CILP: variants seen among roughly 807,000 people sequenced by gnomAD.
CILP encodes the protein cartilage intermediate layer protein 1.
CILP carries 75 observed loss-of-function variants against 82.5 expected under a neutral mutation model. That is an observed-to-expected ratio of 0.91 (90% CI 0.75 to 1.10). CILP has a LOEUF of 1.10. CILP is among the 50% of genes least tolerant of loss of function. The probability of loss-of-function intolerance (pLI) is 0.00; values close to 1 mark genes in which losing one functional copy is unlikely to be tolerated. For missense variants in CILP, 1,479 were observed against 1,530.8 expected (o/e 0.97, Z 0.56); for synonymous variants, 530 against 580.3 (o/e 0.91, Z 1.25).
chr15:65,199,545 G>A (rs1348359964), intron 8 of CILP, among the ~76,000 whole-genome samples: 1 of 152,200 alleles, frequency 6.6e-6, no homozygotes, highest in Non-Finnish European at 1.5e-5. Context: ...AGCTTTGGCC[G>A]GATGCAGTGG....
At chr15:65,204,800 C>G (rs141921348) in intron 5 of CILP, among the ~76,000 whole-genome samples, 1 of 152,172 alleles carries the variant, frequency 6.6e-6, no homozygotes, top group South Asian at 2.1e-4. Flanking sequence ...GGGTGTATCA[C>G]CTGAGGTCAG....
Position 65,202,729 on chromosome 15 carries a change from C to T in CILP, c.1028+633G>A, listed in dbSNP as rs1202171567. ...AGGCATGAGACACCATGCCTGGCCC[C>T]TTGTTTGCTTTTATTGGGAAAAGCA... On this transcript the variant is annotated intron_variant, in intron 7 of 8. Transcript: ENST00000261883. 2.6e-5 allele frequency among the ~76,000 whole-genome samples: 4 copies of T among 151,810 alleles called. No homozygotes were observed. The East Asian group carries it at 5.8e-4, about 22-fold the overall frequency.
rs756993754 is a variant in CILP at position 65,203,465 on chromosome 15, G to A, written c.925C>T (p.Pro309Ser). The A allele has an allele frequency of 8.1e-6, 13 of 1,611,736 alleles. No homozygotes were observed. The highest frequency in any genetic ancestry group is 4.2e-4 in the Middle Eastern group (2 of 4,766). ...GTCTCAGGGTTCATCACCATGTATG[G>A]AGTCTCTGGGACAGAAAATGAGAAA... Reference protein sequence around the residue: ...IKAEFVRAETPYMVMNPETKA... With the variant: ...IKAEFVRAETSYMVMNPETKA... The change falls in exon 7 of 9, where the codon CCA becomes TCA. Residue 309 changes from proline (P) to serine (S), a missense_variant. Coordinates refer to ENST00000261883, the MANE Select transcript of CILP (RefSeq NM_003613.4).
intron 6 of CILP, among the ~76,000 whole-genome samples, chr15:65,203,820 T>G (rs2088487145): frequency 6.6e-6 from 1 of 152,256 alleles, no homozygotes; most frequent in African/African-American, 2.4e-5. Flanking sequence ...CAGAATTTTC[T>G]GGCCATCCTG....
rs141854917 is a variant in CILP at position 65,197,056 on chromosome 15, T to C, written c.3230A>G (p.Tyr1077Cys). Residue 1077 changes from tyrosine to cysteine, a missense_variant, in exon 9 of 9, where the codon TAC becomes TGC. Transcript: ENST00000261883. Reference sequence around the variant, plus strand: ...GCGAGGGTCCTGGTCAGTGACAGTGTAGATGCCATAGTTGTGGCCCAGTGG... The same window carrying C: ...GCGAGGGTCCTGGTCAGTGACAGTGCAGATGCCATAGTTGTGGCCCAGTGG... ...LDPLGHNYGI[Y>C]TVTDQDPRTA... is the part of the protein sequence containing the mutation. 4 of 1,614,034 alleles carry C rather than the reference T, an allele frequency of 2.5e-6. No individual in the cohort carries two copies. In the African/African-American group the frequency reaches 5.3e-5, roughly 22 times the overall value.
rs144076381 is a variant in CILP, at chr15:65,197,185, C to T, written c.3101G>A (p.Arg1034His). 1.5e-4 allele frequency: 239 copies of T among 1,613,868 alleles called. No homozygotes were observed. Among genetic ancestry groups the T allele is most frequent in the Non-Finnish European group, 1.9e-4 (219 of 1,180,004 alleles). ...CAGCATGGGGTTCACACTGGCTCGA[C>T]GGCAGCTGCCCTGGGGGATGACCTT... ...LVKVIPQGSC[R>H]RASVNPMLHE... Residue 1034 changes from arginine to histidine, a missense_variant, in exon 9 of 9, where the codon CGT (arginine) becomes CAT (histidine). Arg to His is a conservative substitution (Grantham distance 29). Coordinates refer to ENST00000261883, the MANE Select transcript of CILP (RefSeq NM_003613.4).
At chr15:65,203,312 C>T in intron 7 of CILP, 50 bp downstream of exon 7, 2 of 1,272,314 alleles carry the variant, frequency 1.6e-6, no homozygotes, top group East Asian at 2.3e-5. Flanking sequence ...ATGCAAGAAG[C>T]TCTGGTTTCC....
At position 65,198,754 on chromosome 15, in the gene CILP, T is replaced by G; in HGVS notation, c.1532A>C (p.Tyr511Ser). 6.2e-7 allele frequency: 1 copy of G among 1,614,226 alleles called. No homozygotes were observed. The highest frequency in any genetic ancestry group is 8.5e-7 in the Non-Finnish European group (1 of 1,180,038). The change falls in exon 9 of 9, where the codon TAC (tyrosine) becomes TCC (serine). Residue 511 changes from tyrosine (Y) to serine (S), a missense_variant. Coordinates refer to ENST00000261883, the MANE Select transcript of CILP (RefSeq NM_003613.4). ...CATGCTTACACGGCTGTTCCCCATG[T>G]ACACATGGCCAAAGCGCATGGGCTC... ...NGEPMRFGHV[Y>S]MGNSRVSMTG...
chr15:65,197,694 A>G lies in CILP; in HGVS notation c.2592T>C (p.His864=), dbSNP rs1362683252. 3.1e-6 allele frequency: 5 copies of G among 1,613,684 alleles called. No individual in the cohort carries two copies. Among genetic ancestry groups the G allele is most frequent in the Non-Finnish European group, 2.5e-6 (3 of 1,180,040 alleles). ...LNKLNYRRTD[H]EDPRVKKTAF... is the part of the protein sequence containing the mutation. ...CTGTCTTTTTAACCCGTGGATCCTC[A>G]TGGTCCGTCCGACGGTAGTTGAGCT... The change falls in exon 9 of 9, where the codon CAT becomes CAC. Residue 864 remains histidine, a synonymous_variant. Coordinates refer to ENST00000261883, the MANE Select transcript of CILP (RefSeq NM_003613.4).
intron 7 of CILP, among the ~76,000 whole-genome samples, chr15:65,202,483 A>C (rs2088469513): frequency 6.6e-6 from 1 of 151,712 alleles, no homozygotes; most frequent in Admixed American, 6.6e-5. Context: ...GCTAGAGTAC[A>C]GTGGCATGAT....
At position 65,197,230 on chromosome 15, in the gene CILP, C is replaced by T. The variant is rs754282225; in HGVS notation, c.3056G>A (p.Arg1019His). ...GACCTTCACCAGGGTGCGGTCCACACGGTCCTGATCATAGAGCATCCCACT... is the reference window on the plus strand; with the variant it reads ...GACCTTCACCAGGGTGCGGTCCACATGGTCCTGATCATAGAGCATCCCACT... ...KCSGMLYDQDRVDRTLVKVIP... is the reference protein window; with the variant it reads ...KCSGMLYDQDHVDRTLVKVIP... Residue 1019 changes from arginine (R) to histidine (H), a missense_variant, in exon 9 of 9, where the codon CGT becomes CAT. By Grantham distance (29) the Arg-to-His change is conservative. Transcript: ENST00000261883. 1.1e-5 allele frequency: 17 copies of T among 1,614,088 alleles called. No individual in the cohort carries two copies. Among genetic ancestry groups the T allele is most frequent in the South Asian group, 7.7e-5 (7 of 91,078 alleles).
At chr15:65,210,600 T>G (rs1165949000) in intron 1 of CILP, among the ~76,000 whole-genome samples, 1 of 152,220 alleles carries the variant, frequency 6.6e-6, no homozygotes, top group African/African-American at 2.4e-5. Flanking sequence ...AGGCCGCAGC[T>G]GAGCAGAACA....
rs754465145 is a variant in CILP, at chr15:65,197,587, C to A, written c.2699G>T (p.Arg900Leu). Reference protein sequence around the residue: ...NGPIYAFENLRACEEAPPSAA... With the variant: ...NGPIYAFENLLACEEAPPSAA... ...ACTGGGTGGTGCCTCTTCACATGCCCGGAGGTTCTCAAAGGCATAGATGGG... is the reference window on the plus strand; with the variant it reads ...ACTGGGTGGTGCCTCTTCACATGCCAGGAGGTTCTCAAAGGCATAGATGGG... The change falls in exon 9 of 9, where the codon CGG (arginine) becomes CTG (leucine). Residue 900 changes from arginine to leucine, a missense_variant. By Grantham distance (102) the Arg-to-Leu change is moderately radical (BLOSUM62 -2). Coordinates refer to ENST00000261883, the MANE Select transcript of CILP (RefSeq NM_003613.4). The A allele has an allele frequency of 1.9e-6, 3 of 1,614,042 alleles. No homozygotes were observed. Among genetic ancestry groups the A allele is most frequent in the Non-Finnish European group, 2.5e-6 (3 of 1,180,044 alleles).
rs1376782765 is a variant in CILP, at chr15:65,209,699, C to T, written c.57G>A (p.Val19=). The part of the protein sequence containing the change: ...FSFLVLEVTS[V]LGRQTMLTQS... ...CAGCAGATACTTAGCCTATACCCAA[C>T]ACAGATGTGACTTCCAGGACCAGGA... is the stretch of plus-strand genomic sequence containing the variant. The change falls in exon 2 of 9, where the codon GTG becomes GTA. Residue 19 remains valine, a synonymous_variant. Coordinates refer to ENST00000261883, the MANE Select transcript of CILP (RefSeq NM_003613.4). The T allele has an allele frequency of 6.2e-7, 1 of 1,613,962 alleles. No homozygotes were observed. Among genetic ancestry groups the T allele is most frequent in the Non-Finnish European group, 8.5e-7 (1 of 1,180,006 alleles).
chr15:65,209,617 A>G (rs1235757898), intron 2 of CILP, 78 bp downstream of exon 2: 3 of 1,398,386 alleles, frequency 2.1e-6, no homozygotes, highest in Non-Finnish European at 3.0e-6. Context: ...AGGCAGATGC[A>G]TAGTTCAGTC....
rs1362405184 is a variant in CILP at position 65,197,219 on chromosome 15, T to C, written c.3067A>G (p.Thr1023Ala). The change falls in exon 9 of 9, where the codon ACC (threonine) becomes GCC (alanine). Residue 1023 changes from threonine to alanine, a missense_variant. Coordinates refer to ENST00000261883, the MANE Select transcript of CILP (RefSeq NM_003613.4). ...MLYDQDRVDR[T>A]LVKVIPQGSC... ...CCCTGGGGGATGACCTTCACCAGGG[T>C]GCGGTCCACACGGTCCTGATCATAG... is the stretch of plus-strand genomic sequence containing the variant. The C allele has an allele frequency of 2.5e-6, 4 of 1,613,958 alleles. No individual in the cohort carries two copies. Among genetic ancestry groups the C allele is most frequent in the Non-Finnish European group, 3.4e-6 (4 of 1,180,002 alleles).
In CILP at chr15:65,206,882, C is replaced by A; in HGVS notation, c.324G>T (p.Val108=). ...DWTPAGSTGQ[V]VHGSPREGFW... is the part of the protein sequence containing the mutation. ...AACCCTCACGGGGACTACCATGGACCACCTGGCCAGTGCTGCCCGCAGGTG... is the reference window on the plus strand; with the variant it reads ...AACCCTCACGGGGACTACCATGGACAACCTGGCCAGTGCTGCCCGCAGGTG... The change falls in exon 4 of 9, where the codon GTG becomes GTT. Residue 108 remains valine (V), a synonymous_variant. Coordinates refer to ENST00000261883, the MANE Select transcript of CILP (RefSeq NM_003613.4). The A allele has an allele frequency of 6.2e-7, 1 of 1,614,012 alleles. No individual in the cohort carries two copies. The highest frequency in any genetic ancestry group is 8.5e-7 in the Non-Finnish European group (1 of 1,180,022).
At chr15:65,203,128 T>A (rs982579671) in intron 7 of CILP, among the ~76,000 whole-genome samples, 2 of 152,190 alleles carry the variant, frequency 1.3e-5, no homozygotes, top group African/African-American at 4.8e-5. Context: ...TGAGCTACTG[T>A]GCCCGGCCAA....
At chr15:65,209,012 C>CTTTTTTTTTTTTTTTTTTTTTTTTTT (rs556369891) in intron 2 of CILP, among the ~76,000 whole-genome samples, 2 of 69,982 alleles carry the variant, frequency 2.9e-5, no homozygotes, top group Non-Finnish European at 4.9e-5. Flanking sequence ...GGGTTTTGAG[C>CTTTTTTTTTTTTTTTTTTTTTTTTTT]TTTTTTTTTT....
Sources: gnomAD v4.1 joint callset for allele counts (sites outside exome capture counted in the v4.1 genomes callset) on GRCh38, gnomAD v4.1.1 for gene constraint, MANE v1.5 for transcripts, NCBI Gene and HGNC (gene_info 2026-07-23, HGNC 2026-07-21) for gene names.